Variants in H2BC26 observed in about 807,000 individuals in gnomAD.
H2BC26 encodes histone H2B type 3-B.
chr1:228,458,226 G>A, the H2BC26 span: 4 of 1,614,190 alleles, frequency 2.5e-6, no homozygotes, highest in South Asian at 2.2e-5. Flanking sequence ...GCGCAAGCGC[G>A]GCCGCAAGGA....
chr1:228,458,341 T>C, the H2BC26 span: 1 of 1,614,138 alleles, frequency 6.2e-7, no homozygotes, highest in Non-Finnish European at 8.5e-7. Flanking sequence ...AATGACATCT[T>C]CGAGCGCATC....
chr1:228,458,348 C>T, the H2BC26 span: 1 of 1,614,216 alleles, frequency 6.2e-7, no homozygotes, highest in Non-Finnish European at 8.5e-7. Flanking sequence ...TCTTCGAGCG[C>T]ATCGCCAGCG....
chr1:228,458,351 C>T, the H2BC26 span: 1 of 1,614,190 alleles, frequency 6.2e-7, no homozygotes, highest in Non-Finnish European at 8.5e-7. Flanking sequence ...TCGAGCGCAT[C>T]GCCAGCGAGG....
At chr1:228,458,185 T>C in the H2BC26 span, 8 of 1,613,756 alleles carry the variant, frequency 5.0e-6, no homozygotes, top group Admixed American at 8.3e-5. Context: ...AAAAAGGCTG[T>C]CACCAAGGCA....
chr1:228,458,181 G>A, the H2BC26 span: 1 of 1,613,810 alleles, frequency 6.2e-7, no homozygotes, highest in Non-Finnish European at 8.5e-7. Context: ...TTCTAAAAAG[G>A]CTGTCACCAA....
chr1:228,458,239 G>A, the H2BC26 span: 1 of 1,614,106 alleles, frequency 6.2e-7, no homozygotes, highest in African/African-American at 1.3e-5. Flanking sequence ...CGCAAGGAGA[G>A]CTATTCTATC....
chr1:228,458,486 C>T, the H2BC26 span: 1 of 1,614,212 alleles, frequency 6.2e-7, no homozygotes, highest in East Asian at 2.2e-5. Flanking sequence ...CCAAGGCTGT[C>T]ACCAAGTACA....
chr1:228,458,539 G>A, the H2BC26 span: 1 of 1,613,850 alleles, frequency 6.2e-7, no homozygotes, highest in Admixed American at 1.7e-5. Context: ...GAACCCAAAG[G>A]CTCTTTTCAG....
At chr1:228,458,198 G>T in the H2BC26 span, 1 of 1,614,088 alleles carries the variant, frequency 6.2e-7, no homozygotes, top group Middle Eastern at 1.6e-4. Context: ...CCAAGGCACA[G>T]AAGAAGGACG....
At chr1:228,458,406 C>T in the H2BC26 span, 11 of 1,614,088 alleles carry the variant, frequency 6.8e-6, no homozygotes, top group African/African-American at 2.7e-5. Context: ...CATCACGTCC[C>T]GCGAAGTGCA....
At chr1:228,458,282 C>A in the H2BC26 span, 3 of 1,614,200 alleles carry the variant, frequency 1.9e-6, no homozygotes, top group South Asian at 3.3e-5. Context: ...AGGTGCACCC[C>A]GACACCGGCA....
At chr1:228,458,369 C>A in the H2BC26 span, 1 of 1,614,236 alleles carries the variant, frequency 6.2e-7, no homozygotes, top group Non-Finnish European at 8.5e-7. Flanking sequence ...AGGCCTCCCG[C>A]CTGGCACACT....
chr1:228,458,435 G>T, the H2BC26 span: 13 of 1,614,174 alleles, frequency 8.1e-6, no homozygotes, highest in Admixed American at 1.2e-4. Flanking sequence ...TTCGCCTGCT[G>T]CTGCCCGGCG....
At chr1:228,458,164 A>G in the H2BC26 span, 11 of 1,612,420 alleles carry the variant, frequency 6.8e-6, no homozygotes, top group South Asian at 1.1e-5. Context: ...CCTGCGCCCA[A>G]GAAGGGTTCT....
chr1:228,458,523 C>G, the H2BC26 span: 9 of 1,613,982 alleles, frequency 5.6e-6, no homozygotes, highest in Middle Eastern at 1.6e-4. Context: ...CGTTCCTCGG[C>G]GTCCTGAACC....
chr1:228,458,199 A>G, the H2BC26 span: 3 of 1,614,142 alleles, frequency 1.9e-6, no homozygotes, highest in African/African-American at 1.3e-5. Flanking sequence ...CAAGGCACAG[A>G]AGAAGGACGG....
the H2BC26 span, chr1:228,458,144 C>T: frequency 5.0e-6 from 8 of 1,606,928 alleles, no homozygotes; most frequent in Admixed American, 3.4e-5. Flanking sequence ...CAGACCCGTC[C>T]AAATCGGCTC....
At chr1:228,458,150 G>C in the H2BC26 span, 1 of 1,609,000 alleles carries the variant, frequency 6.2e-7, no homozygotes. Flanking sequence ...CGTCCAAATC[G>C]GCTCCTGCGC....
chr1:228,458,556 C>T, the H2BC26 span: 2 of 1,611,968 alleles, frequency 1.2e-6, no homozygotes, highest in South Asian at 2.2e-5. Context: ...TCAGAGCCAC[C>T]CACACGATCA....
Sources: gnomAD v4.1 joint callset for allele counts on GRCh38, gnomAD v4.1.1 for gene constraint, MANE v1.5 for transcripts, NCBI Gene and HGNC (gene_info 2026-07-23, HGNC 2026-07-21) for gene names.